ATP6V0D1: variants seen among roughly 807,000 people sequenced by gnomAD.
The protein encoded by ATP6V0D1 is ATPase H+ transporting V0 subunit d1.
In ATP6V0D1, 13 loss-of-function variants were observed where a neutral mutation model predicts 39.0. The ratio of observed to expected loss-of-function variants is 0.33; its 90% CI spans 0.22 to 0.53. The LOEUF (loss-of-function observed/expected upper bound fraction) is 0.53. Among genes scored for constraint, ATP6V0D1 ranks in the 20% least tolerant of loss-of-function variants. The probability of loss-of-function intolerance (pLI) is 0.94; values close to 1 mark genes in which losing one functional copy is unlikely to be tolerated. For synonymous variants in ATP6V0D1, 191 were observed against 191.2 expected, an observed-to-expected ratio of 1.00 and a Z score of 0.01; for missense variants, 272 against 470.9, an observed-to-expected ratio of 0.58 and a Z score of 3.91.
At chr16:67,470,372 T>C (rs889541857) in intron 1 of ATP6V0D1, among the ~76,000 whole-genome samples, 1 of 152,202 alleles carries the variant, frequency 6.6e-6, no homozygotes, top group Non-Finnish European at 1.5e-5. Flanking sequence ...AAAACCACCA[T>C]GCCCCAGCAT....
intron 1 of ATP6V0D1, among the ~76,000 whole-genome samples, chr16:67,479,240 T>C (rs2142338890): frequency 6.7e-6 from 1 of 149,298 alleles, no homozygotes; most frequent in African/African-American, 2.5e-5. Context: ...AGACGGGGTC[T>C]CGCTCTGTTG....
Position 67,458,222 on chromosome 16 carries a change from G to A in ATP6V0D1, c.131-4507C>T, listed in dbSNP as rs144779469. On this transcript the variant is annotated intron_variant, in intron 1 of 7. Coordinates refer to ENST00000290949, the MANE Select transcript of ATP6V0D1 (RefSeq NM_004691.5). ...ACTGGTCAGGCCTAGGACAAGGCTG[G>A]TTGGGATGCTCCCTCCTCCCCAGCT... Among the ~76,000 whole-genome samples the A allele has an allele frequency of 5.4e-4, 83 of 152,344 alleles. 1 individual carries two copies. The East Asian group carries it at 0.015, about 28-fold the overall frequency.
Position 67,439,292 on chromosome 16 carries a change from G to A in ATP6V0D1, c.621C>T (p.Ala207=). ...CTLLGGTTAD[A]MCPILEFEAD... is the part of the protein sequence containing the mutation. Reference sequence around the variant, plus strand: ...CACTCACCTCCAGGATGGGGCACATGGCATCAGCCGTAGTCCCGCCCAGTA... The same window carrying A: ...CACTCACCTCCAGGATGGGGCACATAGCATCAGCCGTAGTCCCGCCCAGTA... Residue 207 remains alanine (A), a synonymous_variant, in exon 5 of 8, where the codon GCC becomes GCT. Transcript: ENST00000290949. The A allele has an allele frequency of 6.2e-7, 1 of 1,614,110 alleles. No homozygotes were observed. Among genetic ancestry groups the A allele is most frequent in the Non-Finnish European group, 8.5e-7 (1 of 1,180,026 alleles).
chr16:67,457,138 G>A (rs1013752670), intron 1 of ATP6V0D1: 18 of 155,498 alleles, frequency 1.2e-4, no homozygotes, highest in Non-Finnish European at 1.6e-4. Context: ...AACATGAAGC[G>A]GGCAACCCAG....
rs76772544 is a variant in ATP6V0D1, at chr16:67,464,343, T to G, written c.131-10628A>C. ...AAAGGGGGAAAAAAATCAAAGAACA[T>G]AGAGTGATTGGTCAGGAACTGCCAA... On this transcript the variant is annotated intron_variant, in intron 1 of 7. Coordinates refer to ENST00000290949, the MANE Select transcript of ATP6V0D1 (RefSeq NM_004691.5). Among the ~76,000 whole-genome samples the G allele has an allele frequency of 6.3e-4, 96 of 152,130 alleles. No individual in the cohort carries two copies. The East Asian group carries it at 0.017, about 27-fold the overall frequency.
At chr16:67,478,557 T>G (rs2041435356) in intron 1 of ATP6V0D1, among the ~76,000 whole-genome samples, 1 of 145,794 alleles carries the variant, frequency 6.9e-6, no homozygotes, top group Non-Finnish European at 1.5e-5. Flanking sequence ...GAGGTTGCAG[T>G]GAGCGGAGAT....
intron 1 of ATP6V0D1, among the ~76,000 whole-genome samples, chr16:67,480,177 C>T (rs2041455571): frequency 1.1e-5 from 1 of 90,020 alleles, no homozygotes; most frequent in Admixed American, 1.2e-4. Context: ...CCAGCCTGGG[C>T]GACAGAGCGA....
At chr16:67,457,333 G>A (rs908449435) in intron 1 of ATP6V0D1, 38 of 318,354 alleles carry the variant, frequency 1.2e-4, no homozygotes, top group Non-Finnish European at 1.2e-4. Context: ...AGCAGGCCTG[G>A]GGGATTCTAT....
At chr16:67,443,262 G>A (rs1488356599) in intron 3 of ATP6V0D1, 84 bp from the exon 4 acceptor site, 8 of 1,424,418 alleles carry the variant, frequency 5.6e-6, no homozygotes, top group Non-Finnish European at 7.9e-6. Flanking sequence ...GGCACAGAGT[G>A]CCCGTGCCAC....
intron 1 of ATP6V0D1, among the ~76,000 whole-genome samples, chr16:67,462,680 G>C (rs1421052707): frequency 6.6e-6 from 1 of 152,130 alleles, no homozygotes; most frequent in Non-Finnish European, 1.5e-5. Flanking sequence ...AAAACAAAAT[G>C]AGCCCAGCGC....
At chr16:67,459,228 G>C (rs1042049183) in intron 1 of ATP6V0D1, 254 of 985,404 alleles carry the variant, frequency 2.6e-4, no homozygotes, top group Non-Finnish European at 3.0e-4. Flanking sequence ...GCAGGAAATA[G>C]TGCTGCTTTC....
chr16:67,439,560 C>T, intron 4 of ATP6V0D1: 1 of 599,466 alleles, frequency 1.7e-6, no homozygotes, highest in South Asian at 2.0e-5. Context: ...CAGCCTCCCA[C>T]CCAGGAGTGC....
chr16:67,442,762 G>A (rs1045284013), intron 4 of ATP6V0D1, among the ~76,000 whole-genome samples: 1 of 152,308 alleles, frequency 6.6e-6, no homozygotes, highest in Admixed American at 6.5e-5. Context: ...GCTTAGGTAG[G>A]GCGGTTCCAG....
At chr16:67,438,930 A>C in intron 6 of ATP6V0D1, 41 bp downstream of exon 6, 1 of 1,613,384 alleles carries the variant, frequency 6.2e-7, no homozygotes, top group Non-Finnish European at 8.5e-7. Flanking sequence ...GTGCTTGGTG[A>C]CAACACATCC....
At chr16:67,438,763 C>A in intron 7 of ATP6V0D1, 30 bp downstream of exon 7, 1 of 1,614,154 alleles carries the variant, frequency 6.2e-7, no homozygotes. Context: ...AGGTTGGCCT[C>A]CCTCTGACAA....
intron 1 of ATP6V0D1, among the ~76,000 whole-genome samples, chr16:67,480,697 G>T (rs149163291): frequency 6.6e-6 from 1 of 152,052 alleles, no homozygotes; most frequent in East Asian, 1.9e-4. Context: ...CTCCCAAACT[G>T]CAGGGTGAGC....
At chr16:67,452,520 G>A in intron 2 of ATP6V0D1, 1 of 863,546 alleles carries the variant, frequency 1.2e-6, no homozygotes, top group Non-Finnish European at 1.9e-6. Flanking sequence ...AAGGAAAAGA[G>A]TGGGGGCACC....
intron 1 of ATP6V0D1, among the ~76,000 whole-genome samples, chr16:67,480,461 A>AC (rs2041459744): frequency 6.6e-6 from 1 of 152,094 alleles, no homozygotes; most frequent in African/African-American, 2.4e-5. Flanking sequence ...AACCCTCGAT[A>AC]AACTGGCTCA....
At chr16:67,468,611 A>AG (rs922916620) in intron 1 of ATP6V0D1, among the ~76,000 whole-genome samples, 1 of 151,788 alleles carries the variant, frequency 6.6e-6, no homozygotes, top group African/African-American at 2.4e-5. Flanking sequence ...AAAAAAAAAA[A>AG]GAAGGAAGGA....
Sources: allele counts gnomAD v4.1 joint callset (sites outside exome capture counted in the v4.1 genomes callset), GRCh38; gene constraint gnomAD v4.1.1; transcripts MANE v1.5; gene names NCBI Gene and HGNC (gene_info 2026-07-23, HGNC 2026-07-21).